The following CDH12 variants were observed in gnomAD, a reference collection of about 807,000 sequenced individuals.
CDH12 encodes cadherin 12.
CDH12 carries 41 observed loss-of-function variants against 74.1 expected under a neutral mutation model. The observed-to-expected ratio is 0.55, with a 90% CI of 0.43 to 0.72. The LOEUF (loss-of-function observed/expected upper bound fraction) is 0.72. Among genes scored for constraint, CDH12 ranks in the 30% least tolerant of loss-of-function variants. The pLI is 0.00. For missense variants in CDH12, 945 were observed against 977.2 expected (o/e 0.97, Z 0.44); for synonymous variants, 399 against 355.0 (o/e 1.12, Z -1.39).
At chr5:21,931,370 T>C (rs1754827471) in intron 6 of CDH12, among the ~76,000 whole-genome samples, 1 of 152,160 alleles carries the variant, frequency 6.6e-6, no homozygotes, top group Admixed American at 6.5e-5. Context: ...AAACTACCTA[T>C]AATAGGCTTT....
intron 3 of CDH12, among the ~76,000 whole-genome samples, chr5:22,237,484 T>C (rs928467249): frequency 2.6e-5 from 4 of 152,096 alleles, no homozygotes; most frequent in African/African-American, 9.7e-5. Context: ...TGTGTCCTTA[T>C]TACAAAGGCT....
chr5:22,104,481 G>GAA (rs376852727), intron 4 of CDH12, among the ~76,000 whole-genome samples: 1 of 148,372 alleles, frequency 6.7e-6, no homozygotes, highest in Non-Finnish European at 1.5e-5. Flanking sequence ...AGTGTGAAAG[G>GAA]AAAAAAAAAA....
intron 3 of CDH12, among the ~76,000 whole-genome samples, chr5:22,287,149 C>A (rs1737174703): frequency 6.6e-6 from 1 of 152,164 alleles, no homozygotes; most frequent in African/African-American, 2.4e-5. Context: ...AGAGGACAGA[C>A]AGCAACATAC....
intron 10 of CDH12, among the ~76,000 whole-genome samples, chr5:21,797,787 A>G (rs1331867771): frequency 6.6e-6 from 1 of 152,162 alleles, no homozygotes; most frequent in South Asian, 2.1e-4. Flanking sequence ...TGGAACGTGT[A>G]TCTTTACCTA....
chr5:21,851,609 T>C (rs1413456438), intron 7 of CDH12, among the ~76,000 whole-genome samples: 2 of 151,338 alleles, frequency 1.3e-5, no homozygotes, highest in African/African-American at 4.8e-5. Flanking sequence ...ATCTAAAGCA[T>C]ATAAATGAAT....
chr5:21,984,901 A>G (rs1486358376), intron 5 of CDH12, among the ~76,000 whole-genome samples: 5 of 152,174 alleles, frequency 3.3e-5, no homozygotes, highest in Non-Finnish European at 7.4e-5. Flanking sequence ...TCACTACACA[A>G]TATTTCAGCA....
At chr5:22,549,377 A>C (rs28743042) in intron 1 of CDH12, among the ~76,000 whole-genome samples, 24,540 of 151,408 alleles carry the variant, frequency 0.16, 2,554 homozygotes, top group East Asian at 0.37. Flanking sequence ...TTTTTTCTTG[A>C]GGAAATAATA....
chr5:21,800,407 A>G (rs751659577), intron 10 of CDH12, among the ~76,000 whole-genome samples: 2 of 152,046 alleles, frequency 1.3e-5, no homozygotes, highest in African/African-American at 4.8e-5. Context: ...CTAAACCTCA[A>G]TGTGATAGTA....
chr5:22,468,585 T>G (rs1327649218), intron 2 of CDH12, among the ~76,000 whole-genome samples: 1 of 152,172 alleles, frequency 6.6e-6, no homozygotes, highest in Non-Finnish European at 1.5e-5. Flanking sequence ...AAAAACATTG[T>G]ATACTAAGTA....
chr5:22,125,018 G>T (rs1042276602), intron 4 of CDH12, among the ~76,000 whole-genome samples: 16 of 152,174 alleles, frequency 1.1e-4, no homozygotes, highest in African/African-American at 3.6e-4. Flanking sequence ...TGTGTAAGGT[G>T]CACCTGTCCT....
intron 3 of CDH12, among the ~76,000 whole-genome samples, chr5:22,240,113 T>C (rs888625345): frequency 6.6e-6 from 1 of 152,186 alleles, no homozygotes; most frequent in Non-Finnish European, 1.5e-5. Context: ...AATTCAGACA[T>C]CATTTTGAAA....
chr5:22,416,291 G>C (rs1453385746), intron 2 of CDH12, among the ~76,000 whole-genome samples: 1 of 151,538 alleles, frequency 6.6e-6, no homozygotes, highest in African/African-American at 2.4e-5. Flanking sequence ...TAGCCAGGAT[G>C]GTCTCGATCT....
At chr5:21,880,607 CCTTCCTTCCTTCTTTCT>C (rs1752244444) in intron 6 of CDH12, among the ~76,000 whole-genome samples, 1 of 70,086 alleles carries the variant, frequency 1.4e-5, no homozygotes, top group African/African-American at 5.1e-5. Flanking sequence ...TTCCTTCCTT[CCTTCCTTCCTTCTTTCT>C]TTCTTTCTTT....
At position 22,517,182 on chromosome 5, in the gene CDH12, G is replaced by A. The variant is rs1177046116; in HGVS notation, c.-522-11818C>T. ...TAAAATAACTTTAAAGTATTTTACA[G>A]TTTAAAAATAAGATATATTTAGCAT... On this transcript the variant is annotated intron_variant, in intron 1 of 14. Coordinates refer to ENST00000382254, the MANE Select transcript of CDH12 (RefSeq NM_004061.5). Among the ~76,000 whole-genome samples the A allele has an allele frequency of 2.0e-5, 3 of 151,950 alleles. No homozygotes were observed. In the South Asian group the frequency reaches 6.2e-4, roughly 31 times the overall value.
intron 2 of CDH12, among the ~76,000 whole-genome samples, chr5:22,488,469 C>T (rs924702431): frequency 1.3e-5 from 2 of 152,092 alleles, no homozygotes; most frequent in Non-Finnish European, 2.9e-5. Flanking sequence ...TATTTTAATG[C>T]TTTTACATTT....
rs774834819 is a variant in CDH12 at position 21,816,972 on chromosome 5, T to G, written c.975A>C (p.Thr325=). Residue 325 remains threonine, a synonymous_variant, in exon 9 of 15, where the codon ACA becomes ACC. Coordinates refer to ENST00000382254, the MANE Select transcript of CDH12 (RefSeq NM_004061.5). The part of the protein sequence containing the change: ...NLFDIVTDED[T]QEGVIKLKKP... ...TTTTCAATTTGATGACTCCCTCTTGTGTATCCTCATCTGTGACGATGTCAA... is the reference window on the plus strand; with the variant it reads ...TTTTCAATTTGATGACTCCCTCTTGGGTATCCTCATCTGTGACGATGTCAA... 6.2e-7 allele frequency: 1 copy of G among 1,611,714 alleles called. No homozygotes were observed. Among genetic ancestry groups the G allele is most frequent in the South Asian group, 1.1e-5 (1 of 90,854 alleles).
intron 6 of CDH12, among the ~76,000 whole-genome samples, chr5:21,899,563 A>G (rs1415210340): frequency 6.6e-6 from 1 of 152,138 alleles, no homozygotes; most frequent in South Asian, 2.1e-4. Context: ...CTCATTTACA[A>G]TTTAAAAGGT....
At chr5:22,262,269 TC>T (rs1561264572) in intron 3 of CDH12, among the ~76,000 whole-genome samples, 2 of 75,752 alleles carry the variant, frequency 2.6e-5, no homozygotes, top group Admixed American at 2.1e-4. Flanking sequence ...CCCTCCCCCC[TC>T]CCCCCACCCC....
At chr5:21,787,089 C>A (rs951421676) in intron 10 of CDH12, among the ~76,000 whole-genome samples, 2 of 152,056 alleles carry the variant, frequency 1.3e-5, no homozygotes, top group African/African-American at 4.8e-5. Flanking sequence ...TTGTTGAAAT[C>A]ATAACAAAAT....
Sources: allele counts gnomAD v4.1 joint callset (sites outside exome capture counted in the v4.1 genomes callset), GRCh38; gene constraint gnomAD v4.1.1; transcripts MANE v1.5; gene names NCBI Gene and HGNC (gene_info 2026-07-23, HGNC 2026-07-21).